The following ERP44 variants were observed in gnomAD, a reference collection of about 807,000 sequenced individuals.
The protein encoded by ERP44 is endoplasmic reticulum protein 44.
In ERP44, 25 loss-of-function variants were observed where a neutral mutation model predicts 53.4. The observed-to-expected ratio is 0.47, with a 90% CI of 0.34 to 0.65. The LOEUF (loss-of-function observed/expected upper bound fraction) is 0.65. Ranked by LOEUF, ERP44 falls within the 30% of genes least tolerant of loss-of-function variation. The probability of loss-of-function intolerance (pLI) is 0.01; values close to 1 mark genes in which losing one functional copy is unlikely to be tolerated. For missense variants in ERP44, 338 were observed against 493.2 expected, an observed-to-expected ratio of 0.69 and a Z score of 2.98; for synonymous variants, 145 against 161.2, an observed-to-expected ratio of 0.90 and a Z score of 0.76.
rs1830435176 is a variant in ERP44, at chr9:100,007,650, G to T, written c.802C>A (p.His268Asn). ...AAACTTTCTGTATCTTCTTTCATGT[G>T]AAAGAGTATGAGAAAAGGCAGTCCT... The part of the protein sequence containing the change: ...EEGLPFLILF[H>N]MKEDTESLEI... The change falls in exon 9 of 12, where the codon CAC becomes AAC. Residue 268 changes from histidine to asparagine, a missense_variant. Around this residue, in one of 3 missense-constraint regions of ERP44, gnomAD observed 113 missense variants for 172.6 expected, o/e 0.65. Transcript: ENST00000262455. The T allele has an allele frequency of 5.6e-6, 9 of 1,603,548 alleles. No homozygotes were observed. The highest frequency in any genetic ancestry group is 6.8e-6 in the Non-Finnish European group (8 of 1,170,416).
intron 1 of ERP44, among the ~76,000 whole-genome samples, chr9:100,082,231 T>C (rs1215364931): frequency 2.6e-5 from 4 of 151,744 alleles, no homozygotes; most frequent in African/African-American, 7.3e-5. Flanking sequence ...AAAATATACA[T>C]GCAATGTAAT....
chr9:100,052,802 G>C (rs1344299284), intron 3 of ERP44, among the ~76,000 whole-genome samples: 1 of 152,300 alleles, frequency 6.6e-6, no homozygotes. Context: ...ACACAGCTAA[G>C]GATCTCTTGC....
chr9:100,067,354 C>A (rs1826225074), intron 1 of ERP44, among the ~76,000 whole-genome samples: 1 of 145,936 alleles, frequency 6.9e-6, no homozygotes, highest in South Asian at 2.1e-4. Flanking sequence ...CCGCGCCTGA[C>A]TGGTTTTCGT....
chr9:100,073,082 G>A (rs899279031), intron 1 of ERP44, among the ~76,000 whole-genome samples: 1 of 152,202 alleles, frequency 6.6e-6, no homozygotes, highest in Admixed American at 6.5e-5. Flanking sequence ...GCAATTTTAA[G>A]TGGTGATTTG....
intron 4 of ERP44, 80 bp downstream of exon 4, chr9:100,052,336 GA>G: frequency 4.7e-6 from 3 of 631,670 alleles, no homozygotes; most frequent in Non-Finnish European, 7.6e-6. Flanking sequence ...AAAAAGAAAA[GA>G]AAAGAAAAGA....
intron 1 of ERP44, among the ~76,000 whole-genome samples, chr9:100,078,913 A>T (rs1826388754): frequency 6.6e-6 from 1 of 152,204 alleles, no homozygotes; most frequent in Admixed American, 6.5e-5. Flanking sequence ...TGCGAAGGAT[A>T]GTTGTATTAT....
chr9:100,018,340 A>T (rs1163162959), intron 6 of ERP44, 27 bp from the exon 7 acceptor site: 1 of 1,417,178 alleles, frequency 7.1e-7, no homozygotes, highest in Non-Finnish European at 1.0e-6. Flanking sequence ...ATAGTAATAA[A>T]CCTGAATGAC....
At chr9:100,093,339 T>TAAAG (rs960769491) in intron 1 of ERP44, among the ~76,000 whole-genome samples, 1 of 152,188 alleles carries the variant, frequency 6.6e-6, no homozygotes, top group African/African-American at 2.4e-5. Context: ...ACTAAGGATA[T>TAAAG]AAAGGGTTAA....
intron 10 of ERP44, among the ~76,000 whole-genome samples, chr9:99,988,568 GA>G (rs1830219784): frequency 6.6e-6 from 1 of 152,176 alleles, no homozygotes; most frequent in Non-Finnish European, 1.5e-5. Context: ...ACCCTTCCAA[GA>G]TGGCCGAATA....
intron 1 of ERP44, 69 bp downstream of exon 1, chr9:100,098,715 T>C (rs1826695213): frequency 4.7e-6 from 6 of 1,278,142 alleles, no homozygotes; most frequent in South Asian, 3.6e-5. Flanking sequence ...GGAGTAGCAG[T>C]GTTCCCCCTG....
At chr9:100,055,386 T>C (rs1205296956) in intron 3 of ERP44, among the ~76,000 whole-genome samples, 1 of 152,218 alleles carries the variant, frequency 6.6e-6, no homozygotes, top group Non-Finnish European at 1.5e-5. Context: ...TTTTTGTTTT[T>C]GTTTGAGACG....
chr9:100,061,321 G>A (rs948212583), intron 1 of ERP44, among the ~76,000 whole-genome samples: 2 of 151,774 alleles, frequency 1.3e-5, no homozygotes, highest in African/African-American at 4.8e-5. Context: ...GCAGGTGCCC[G>A]TAGTCCCAGC....
intron 10 of ERP44, among the ~76,000 whole-genome samples, chr9:99,994,586 G>GCATA (rs933739043): frequency 1.4e-4 from 22 of 151,916 alleles, no homozygotes; most frequent in Non-Finnish European, 2.5e-4. Flanking sequence ...AACCAACATG[G>GCATA]CATACATATA....
chr9:100,054,186 G>A (rs972587414), intron 3 of ERP44, among the ~76,000 whole-genome samples: 9 of 152,170 alleles, frequency 5.9e-5, no homozygotes, highest in South Asian at 4.1e-4. Context: ...ATCATGGACC[G>A]TGTCTTATTT....
At chr9:100,022,299 T>G (rs1413692866) in intron 4 of ERP44, 73 bp from the exon 5 acceptor site, 1 of 1,233,770 alleles carries the variant, frequency 8.1e-7, no homozygotes, top group Non-Finnish European at 1.1e-6. Context: ...TGGTCAAAAA[T>G]CTTACAATTG....
intron 4 of ERP44, among the ~76,000 whole-genome samples, chr9:100,050,447 G>A (rs985250577): frequency 4.6e-5 from 7 of 151,560 alleles, no homozygotes; most frequent in Admixed American, 1.3e-4. Flanking sequence ...AAAAAAATTC[G>A]ACCACAGAAT....
rs1390391633 is a variant in ERP44 at position 100,007,609 on chromosome 9, A to T, written c.843T>A (p.Asn281Lys). The change falls in exon 9 of 12, where the codon AAT becomes AAA. Residue 281 changes from asparagine to lysine, a missense_variant. Asn to Lys is a moderately conservative substitution (Grantham distance 94, BLOSUM62 0). Coordinates refer to ENST00000262455, the MANE Select transcript of ERP44 (RefSeq NM_015051.3). ...EDTESLEIFQ[N>K]EVARQLISEK... ...CACTTATTAATTGCCGAGCTACTTC[A>T]TTCTGGAATATTTCTAAACTTTCTG... 1 of 1,588,424 alleles carries T rather than the reference A, an allele frequency of 6.3e-7. No individual in the cohort carries two copies. Among genetic ancestry groups the T allele is most frequent in the African/African-American group, 1.3e-5 (1 of 74,596 alleles).
rs56304002 is a variant in ERP44 at position 100,087,012 on chromosome 9, T to TA, written c.57+11771dup. On this transcript the variant is annotated intron_variant, in intron 1 of 11. Coordinates refer to ENST00000262455, the MANE Select transcript of ERP44 (RefSeq NM_015051.3). ...AATTACATTATCCCTATTTTATAAA[T>TA]AAAAAAAAAAACTTTGCAGTCTCTG... Among the ~76,000 whole-genome samples, 83 of 116,374 alleles carry TA rather than the reference T, an allele frequency of 7.1e-4. 2 individuals carry two copies. Among genetic ancestry groups the TA allele is most frequent in the Middle Eastern group, 3.8e-3 (1 of 264 alleles). 76.3% of individuals were successfully genotyped at this position (116,374 alleles called of 152,430 possible).
At chr9:100,069,868 A>G (rs1407431733) in intron 1 of ERP44, among the ~76,000 whole-genome samples, 1 of 152,232 alleles carries the variant, frequency 6.6e-6, no homozygotes. Flanking sequence ...ATGAATTTCC[A>G]TTAAAAACTG....
Sources: gnomAD v4.1 joint callset for allele counts (sites outside exome capture counted in the v4.1 genomes callset) on GRCh38, gnomAD v4.1.1 for gene constraint, gnomAD v4.1.1 regional missense constraint, MANE v1.5 for transcripts, NCBI Gene and HGNC (gene_info 2026-07-23, HGNC 2026-07-21) for gene names.